Variants in NPAS2 observed in about 807,000 individuals in gnomAD.
The protein encoded by NPAS2 is neuronal PAS domain-containing protein 2.
Under a neutral mutation model 107.5 loss-of-function variants are expected in NPAS2, and 23 were observed. The ratio of observed to expected loss-of-function variants is 0.21; its 90% CI spans 0.15 to 0.30. The LOEUF (loss-of-function observed/expected upper bound fraction) is 0.30, where lower values mean the gene tolerates loss of function less well. Among genes scored for constraint, NPAS2 ranks in the 10% least tolerant of loss-of-function variants. The probability of loss-of-function intolerance (pLI) is 1.00; values close to 1 mark genes in which losing one functional copy is unlikely to be tolerated. For missense variants in NPAS2, 756 were observed against 1,043.3 expected (o/e 0.72, Z 3.79); for synonymous variants, 403 against 417.5 (o/e 0.97, Z 0.42).
chr2:100,916,572 A>G (rs750574827), intron 2 of NPAS2, among the ~76,000 whole-genome samples: 2 of 152,204 alleles, frequency 1.3e-5, no homozygotes, highest in Non-Finnish European at 2.9e-5. Context: ...TAATATGTAT[A>G]CACCTAAAAA....
intron 2 of NPAS2, among the ~76,000 whole-genome samples, chr2:100,915,715 G>A (rs72818923): frequency 4.6e-5 from 7 of 152,284 alleles, no homozygotes; most frequent in Non-Finnish European, 1.0e-4. Flanking sequence ...CTTCAGGAAT[G>A]AAGGTAAAAT....
At chr2:100,927,933 A>G (rs185246266) in intron 3 of NPAS2, among the ~76,000 whole-genome samples, 8 of 152,350 alleles carry the variant, frequency 5.3e-5, no homozygotes, top group East Asian at 3.9e-4. Flanking sequence ...ACCAAACATA[A>G]TAAGTCAGAA....
rs1472754553 is a variant in NPAS2 at position 100,995,529 on chromosome 2, C to G, written c.2422C>G (p.Arg808Gly). ...ACAGCCCCAGCCCCTACGTCCTCCC[C>G]GAAGGGTCAGCAGTCTGTCTGAGTC... is the stretch of plus-strand genomic sequence containing the variant. ...PAQPQPLRPPRRVSSLSESSG... is the reference protein window; with the variant it reads ...PAQPQPLRPPGRVSSLSESSG... The change falls in exon 21 of 21, where the codon CGA becomes GGA. Residue 808 changes from arginine to glycine, a missense_variant. By Grantham distance (125) the Arg-to-Gly change is moderately radical. Coordinates refer to ENST00000335681, the MANE Select transcript of NPAS2 (RefSeq NM_002518.4). The G allele has an allele frequency of 5.0e-6, 8 of 1,612,860 alleles. No homozygotes were observed. The highest frequency in any genetic ancestry group is 4.4e-5 in the South Asian group (4 of 90,936).
At chr2:100,993,940 C>G (rs1678293027) in intron 20 of NPAS2, 1 of 162,460 alleles carries the variant, frequency 6.2e-6, no homozygotes, top group South Asian at 2.0e-4. Context: ...GATCCATTAA[C>G]CTGCCTTCAT....
chr2:100,898,685 A>G (rs1681577323), intron 1 of NPAS2, among the ~76,000 whole-genome samples: 1 of 152,090 alleles, frequency 6.6e-6, no homozygotes, highest in Non-Finnish European at 1.5e-5. Flanking sequence ...ATACAGGTTC[A>G]CTCATTATAT....
chr2:100,837,619 G>T (rs1677148585), intron 1 of NPAS2, among the ~76,000 whole-genome samples: 1 of 152,110 alleles, frequency 6.6e-6, no homozygotes, highest in Non-Finnish European at 1.5e-5. Flanking sequence ...GGCCTGGATT[G>T]CCATTTTTAG....
chr2:100,993,532 G>T lies in NPAS2; in HGVS notation c.2292+5G>T, dbSNP rs747245825. 1 of 1,537,654 alleles carries T rather than the reference G, an allele frequency of 6.5e-7. No homozygotes were observed. Among genetic ancestry groups the T allele is most frequent in the South Asian group, 1.2e-5 (1 of 84,174 alleles). ...CCACCGCAGCACTACCTGCAGGTGG[G>T]TGCCACGGCCCAGGGGGCCCCCGTG... On this transcript the variant is annotated splice_donor_5th_base_variant and intron_variant, in intron 20 of 20. Coordinates refer to ENST00000335681, the MANE Select transcript of NPAS2 (RefSeq NM_002518.4).
intron 1 of NPAS2, among the ~76,000 whole-genome samples, chr2:100,896,274 G>A (rs533341980): frequency 3.9e-5 from 6 of 152,186 alleles, no homozygotes; most frequent in Non-Finnish European, 8.8e-5. Flanking sequence ...CAAGTAGGTT[G>A]GAATGGAGAT....
At chr2:100,913,258 G>A (rs1682664166) in intron 2 of NPAS2, among the ~76,000 whole-genome samples, 1 of 152,108 alleles carries the variant, frequency 6.6e-6, no homozygotes, top group Non-Finnish European at 1.5e-5. Flanking sequence ...GCTCTTCTTG[G>A]CAGCAAGGGA....
chr2:100,858,181 T>G (rs1400634264), intron 1 of NPAS2, among the ~76,000 whole-genome samples: 1 of 152,200 alleles, frequency 6.6e-6, no homozygotes, highest in Non-Finnish European at 1.5e-5. Flanking sequence ...TCTAGTTCCT[T>G]CTCACTGTGA....
At chr2:100,885,101 A>C (rs1434011377) in intron 1 of NPAS2, among the ~76,000 whole-genome samples, 2 of 152,074 alleles carry the variant, frequency 1.3e-5, no homozygotes, top group African/African-American at 2.4e-5. Context: ...GGTGCCCACC[A>C]GCACGCCCAG....
chr2:100,837,931 A>G (rs919429047), intron 1 of NPAS2, among the ~76,000 whole-genome samples: 2 of 152,162 alleles, frequency 1.3e-5, no homozygotes, highest in African/African-American at 2.4e-5. Flanking sequence ...ATCATTTTAC[A>G]GAAGGGGAAA....
chr2:100,934,027 A>G (rs1433195741), intron 4 of NPAS2: 1 of 152,256 alleles, frequency 6.6e-6, no homozygotes, highest in Non-Finnish European at 1.5e-5. Flanking sequence ...AAAATGCCAG[A>G]ATGAAGATGT....
chr2:100,943,601 G>A (rs952557885), intron 5 of NPAS2, among the ~76,000 whole-genome samples: 7 of 152,238 alleles, frequency 4.6e-5, no homozygotes, highest in African/African-American at 7.2e-5. Context: ...GGGGCTGCAC[G>A]TGGGAAAAGA....
chr2:100,857,909 A>C (rs1678686117), intron 1 of NPAS2, among the ~76,000 whole-genome samples: 1 of 152,238 alleles, frequency 6.6e-6, no homozygotes. Flanking sequence ...ATTGAAGAAG[A>C]AGCACATTGC....
At chr2:100,849,684 CA>C (rs1203732329) in intron 1 of NPAS2, among the ~76,000 whole-genome samples, 2 of 152,198 alleles carry the variant, frequency 1.3e-5, no homozygotes, top group Non-Finnish European at 2.9e-5. Flanking sequence ...TGCTCTAAAG[CA>C]AGGTTGTGGA....
At chr2:100,986,727 A>G (rs1163616186) in intron 16 of NPAS2, 1 of 152,214 alleles carries the variant, frequency 6.6e-6, no homozygotes, top group Non-Finnish European at 1.5e-5. Context: ...TGAATCTACT[A>G]ATTTGGTCTA....
chr2:100,821,511 C>G (rs777410376), intron 1 of NPAS2, among the ~76,000 whole-genome samples: 2 of 152,162 alleles, frequency 1.3e-5, no homozygotes. Context: ...TCAGCAGAGA[C>G]GAGCTAAACC....
intron 1 of NPAS2, among the ~76,000 whole-genome samples, chr2:100,839,272 G>T (rs368571055): frequency 1.1e-4 from 16 of 152,196 alleles, no homozygotes; most frequent in African/African-American, 3.6e-4. Context: ...GGGACTACAG[G>T]TACCTACCAC....
Sources: gnomAD v4.1 joint callset for allele counts (sites outside exome capture counted in the v4.1 genomes callset) on GRCh38, gnomAD v4.1.1 for gene constraint, MANE v1.5 for transcripts, NCBI Gene and HGNC (gene_info 2026-07-23, HGNC 2026-07-21) for gene names.